Variants in GRIK4 observed in about 807,000 individuals in gnomAD.
GRIK4 encodes glutamate receptor ionotropic, kainate 4.
GRIK4 carries 40 observed loss-of-function variants against 104.9 expected under a neutral mutation model. The ratio of observed to expected loss-of-function variants is 0.38; its 90% CI spans 0.30 to 0.50. The LOEUF (loss-of-function observed/expected upper bound fraction) is 0.50. GRIK4 is among the 20% of genes least tolerant of loss of function. GRIK4 has a pLI of 0.93. For missense variants in GRIK4, 1,047 were observed against 1,308.1 expected (o/e 0.80, Z 3.08); for synonymous variants, 485 against 524.9 (o/e 0.92, Z 1.04).
At chr11:120,630,555 C>T (rs896136583) in intron 1 of GRIK4, among the ~76,000 whole-genome samples, 4 of 152,200 alleles carry the variant, frequency 2.6e-5, no homozygotes, top group African/African-American at 9.6e-5. Flanking sequence ...ACGCCGGCCT[C>T]CTCTTTTAAG....
intron 11 of GRIK4, 33 bp downstream of exon 11, chr11:120,875,276 C>T: frequency 7.7e-7 from 1 of 1,302,184 alleles, no homozygotes; most frequent in Non-Finnish European, 1.1e-6. Flanking sequence ...GATGGCAGGT[C>T]CTCCTCTCTG....
At chr11:120,640,926 G>A (rs147491657) in intron 1 of GRIK4, among the ~76,000 whole-genome samples, 152 of 152,322 alleles carry the variant, frequency 1.0e-3, no homozygotes, top group Middle Eastern at 3.4e-3. Context: ...TTGCCAGACC[G>A]ATCTTGAACT....
chr11:120,985,988 G>A lies in GRIK4; in HGVS notation c.2599G>A (p.Ala867Thr), dbSNP rs766961901. 79 of 1,531,746 alleles carry A rather than the reference G, an allele frequency of 5.2e-5. No homozygotes were observed. Among genetic ancestry groups the A allele is most frequent in the Middle Eastern group, 1.8e-4 (1 of 5,646 alleles). The allele number at this position is 1,531,746 out of a possible 1,614,324, so 94.9% of individuals were successfully genotyped here. A position where few individuals can be genotyped will look rare whatever the true frequency, so the allele number is the denominator to read the frequency against. Residue 867 changes from alanine to threonine, a missense_variant, in exon 21 of 21, where the codon GCA (alanine) becomes ACA (threonine). Physicochemically the swap from Ala to Thr is moderately conservative, Grantham distance 58. This residue lies in a region of GRIK4 where 440 missense variants were observed against 652.3 expected (regional missense o/e 0.67). Coordinates refer to ENST00000527524, the MANE Select transcript of GRIK4 (RefSeq NM_014619.5). ...TATCCACCCCCGCCGGCGGCGCGCC[G>A]CAGTCCCGCCGCCCCGGCCCCCCAT... is the stretch of plus-strand genomic sequence containing the variant. ...DSIHPRRRRA[A>T]VPPPRPPIPE...
intron 11 of GRIK4, among the ~76,000 whole-genome samples, chr11:120,895,038 G>A (rs1592052134): frequency 6.6e-6 from 1 of 152,170 alleles, no homozygotes; most frequent in Non-Finnish European, 1.5e-5. Context: ...GGGCTAATTA[G>A]TCTCTTTGCC....
chr11:120,754,412 G>T (rs1027896402), intron 3 of GRIK4, among the ~76,000 whole-genome samples: 1 of 152,166 alleles, frequency 6.6e-6, no homozygotes, highest in African/African-American at 2.4e-5. Flanking sequence ...GGGTTGTAGC[G>T]TGTGTCAATA....
intron 3 of GRIK4, among the ~76,000 whole-genome samples, chr11:120,714,910 G>A (rs946271930): frequency 6.6e-6 from 1 of 152,182 alleles, no homozygotes; most frequent in African/African-American, 2.4e-5. Flanking sequence ...CTACTGGAGA[G>A]TTACAGGCAA....
chr11:120,901,310 TCGCTG>T (rs1166553333), intron 12 of GRIK4, among the ~76,000 whole-genome samples: 45 of 10,474 alleles, frequency 4.3e-3, no homozygotes, highest in African/African-American at 0.011. Context: ...CAAGACCTGC[TCGCTG>T]CATCCTGCCG....
chr11:120,579,225 A>ACCC (rs34079806), intron 1 of GRIK4, among the ~76,000 whole-genome samples: 7 of 142,556 alleles, frequency 4.9e-5, no homozygotes, highest in Non-Finnish European at 9.2e-5. Flanking sequence ...CGACAAAATA[A>ACCC]CCCCCCCCCC....
intron 13 of GRIK4, among the ~76,000 whole-genome samples, chr11:120,921,340 C>G (rs1004173283): frequency 6.6e-6 from 1 of 152,196 alleles, no homozygotes; most frequent in Non-Finnish European, 1.5e-5. Flanking sequence ...AGCACTCACT[C>G]AGCCACCAGG....
intron 4 of GRIK4, among the ~76,000 whole-genome samples, chr11:120,808,614 A>T (rs1952764905): frequency 6.6e-6 from 1 of 152,202 alleles, no homozygotes; most frequent in African/African-American, 2.4e-5. Context: ...TTGGCTCAAG[A>T]GCCAGCAAGG....
At chr11:120,571,378 G>A (rs1014438813) in intron 1 of GRIK4, among the ~76,000 whole-genome samples, 1 of 152,158 alleles carries the variant, frequency 6.6e-6, no homozygotes, top group Non-Finnish European at 1.5e-5. Flanking sequence ...GTGCACAGCA[G>A]TCTCTTTTCC....
chr11:120,545,536 A>T (rs1200529512), intron 1 of GRIK4, among the ~76,000 whole-genome samples: 1 of 152,188 alleles, frequency 6.6e-6, no homozygotes, highest in Non-Finnish European at 1.5e-5. Context: ...ATTATTAACC[A>T]TTCTTTTGTG....
At chr11:120,520,265 G>C (rs972322716) in intron 1 of GRIK4, among the ~76,000 whole-genome samples, 4 of 152,144 alleles carry the variant, frequency 2.6e-5, no homozygotes, top group African/African-American at 4.8e-5. Flanking sequence ...TTCCAGAACC[G>C]GCACCCTCAA....
chr11:120,967,431 C>A lies in GRIK4; in HGVS notation c.2395+108C>A. On this transcript the variant is annotated intron_variant, in intron 19 of 20. Transcript: ENST00000527524. This position sits in a 1 kb window ranked among gnomAD's most constrained non-coding sequence, Gnocchi z 4.2. ...AATGACTTGTAGGACCCATTGAGAA[C>A]GGCCTTGGAAGGAACCTAGGTATAA... 1 of 1,246,426 alleles carries A rather than the reference C, an allele frequency of 8.0e-7. No individual in the cohort carries two copies. 77.2% of individuals were successfully genotyped at this position (1,246,426 alleles called of 1,614,324 possible).
chr11:120,752,330 G>A (rs1951570101), intron 3 of GRIK4, among the ~76,000 whole-genome samples: 1 of 152,230 alleles, frequency 6.6e-6, no homozygotes, highest in African/African-American at 2.4e-5. Context: ...GGTCAGAGCA[G>A]AATCTGTAAC....
intron 1 of GRIK4, among the ~76,000 whole-genome samples, chr11:120,543,047 C>T (rs1030111065): frequency 2.6e-5 from 4 of 152,242 alleles, no homozygotes; most frequent in Non-Finnish European, 5.9e-5. Context: ...CTGAAAGCCT[C>T]ATAGCTGGTA....
chr11:120,834,263 G>GGGGTGT (rs1555075076), intron 7 of GRIK4, among the ~76,000 whole-genome samples: 3 of 145,992 alleles, frequency 2.1e-5, no homozygotes, highest in Non-Finnish European at 4.5e-5. Context: ...ACACTTTATA[G>GGGGTGT]GTGTGTGTGT....
intron 1 of GRIK4, among the ~76,000 whole-genome samples, chr11:120,635,865 G>A (rs1399353283): frequency 1.3e-5 from 2 of 152,198 alleles, no homozygotes; most frequent in East Asian, 3.8e-4. Flanking sequence ...TTTAGGAAGT[G>A]TACACACCCT....
chr11:120,793,764 T>G (rs1381099009), intron 3 of GRIK4, among the ~76,000 whole-genome samples: 1 of 136,622 alleles, frequency 7.3e-6, no homozygotes, highest in Non-Finnish European at 1.6e-5. Flanking sequence ...AGGGGAAGGG[T>G]AGTGTTAGGG....
Sources: allele counts gnomAD v4.1 joint callset (sites outside exome capture counted in the v4.1 genomes callset), GRCh38; gene constraint gnomAD v4.1.1; regional missense constraint gnomAD v4.1.1; non-coding constraint Gnocchi (gnomAD v3.1); transcripts MANE v1.5; gene names NCBI Gene and HGNC (gene_info 2026-07-23, HGNC 2026-07-21).